The following PCDHA10 variants were observed in gnomAD, a reference collection of about 807,000 sequenced individuals.
PCDHA10 encodes the protein protocadherin alpha-10.
Under a neutral mutation model 61.2 loss-of-function variants are expected in PCDHA10, and 45 were observed. The observed-to-expected ratio is 0.74, with a 90% CI of 0.58 to 0.94. The LOEUF is 0.94. Ranked by LOEUF, PCDHA10 falls within the 40% of genes least tolerant of loss-of-function variation. The pLI is 0.00. For synonymous variants in PCDHA10, 602 were observed against 548.8 expected, an observed-to-expected ratio of 1.10 and a Z score of -1.35; for missense variants, 1,278 against 1,236.2, an observed-to-expected ratio of 1.03 and a Z score of -0.51.
intron 1 of PCDHA10, among the ~76,000 whole-genome samples, chr5:140,975,653 A>T (rs2096676885): frequency 6.6e-6 from 1 of 152,230 alleles, no homozygotes; most frequent in South Asian, 2.1e-4. Context: ...TATTTCATTG[A>T]GTAGTTGTGT....
chr5:140,885,371 C>T (rs2153409645), intron 1 of PCDHA10, among the ~76,000 whole-genome samples: 1 of 152,182 alleles, frequency 6.6e-6, no homozygotes, highest in East Asian at 1.9e-4. Flanking sequence ...CTGAAAGTAC[C>T]TTTTGGCAGT....
chr5:140,876,081 G>A (rs568872116), intron 1 of PCDHA10: 1 of 1,613,944 alleles, frequency 6.2e-7, no homozygotes, highest in African/African-American at 1.3e-5. Flanking sequence ...TGGACAGAGA[G>A]CAAACGCCAA....
chr5:140,977,266 A>G (rs2096753154), intron 1 of PCDHA10, among the ~76,000 whole-genome samples: 3 of 152,240 alleles, frequency 2.0e-5, no homozygotes, highest in Admixed American at 1.3e-4. Context: ...CAGATGTTAC[A>G]GTCTTTCTCA....
intron 1 of PCDHA10, chr5:140,860,323 G>C (rs782283348): frequency 2.6e-5 from 4 of 152,078 alleles, no homozygotes; most frequent in Non-Finnish European, 5.9e-5. Flanking sequence ...TGAGGCTGCA[G>C]TGACCCATGA....
intron 1 of PCDHA10, chr5:140,876,123 C>T (rs782271666): frequency 6.2e-7 from 1 of 1,613,906 alleles, no homozygotes; most frequent in East Asian, 2.2e-5. Flanking sequence ...TAATCGATGG[C>T]GGTAAACCAG....
chr5:140,971,035 C>T (rs1251023371), intron 1 of PCDHA10, among the ~76,000 whole-genome samples: 1 of 152,098 alleles, frequency 6.6e-6, no homozygotes, highest in African/African-American at 2.4e-5. Flanking sequence ...TTTGAAAGCA[C>T]GTAAAAGGGT....
chr5:140,884,371 C>T, intron 1 of PCDHA10: 2 of 1,613,948 alleles, frequency 1.2e-6, no homozygotes, highest in Non-Finnish European at 1.7e-6. Flanking sequence ...TTTACTTGAT[C>T]ATTGCCATCT....
chr5:140,876,815 T>G (rs782365798), intron 1 of PCDHA10: 1 of 1,614,148 alleles, frequency 6.2e-7, no homozygotes, highest in South Asian at 1.1e-5. Flanking sequence ...GTGGCCGACG[T>G]GAACGACAAT....
chr5:140,929,443 T>C, intron 1 of PCDHA10: 1 of 1,426,882 alleles, frequency 7.0e-7, no homozygotes, highest in Non-Finnish European at 9.3e-7. Flanking sequence ...AAACACTCCT[T>C]CTTAGCACTT....
intron 3 of PCDHA10, among the ~76,000 whole-genome samples, chr5:141,007,393 TAC>T (rs2098323171): frequency 8.5e-5 from 2 of 23,408 alleles, no homozygotes; most frequent in East Asian, 1.4e-3. Flanking sequence ...TCTACTAAAA[TAC>T]AAAAAAAAAA....
chr5:140,877,546 G>T, intron 1 of PCDHA10: 4 of 1,613,794 alleles, frequency 2.5e-6, no homozygotes, highest in Non-Finnish European at 3.4e-6. Flanking sequence ...TCCCGAAGCG[G>T]CTCTGGTGGA....
In PCDHA10 at chr5:140,857,943, C is replaced by T. The variant is rs782648009; in HGVS notation, c.1895C>T (p.Thr632Met). 3 of 1,597,460 alleles carry T rather than the reference C, an allele frequency of 1.9e-6. 1 individual carries two copies. The highest frequency in any genetic ancestry group is 2.6e-6 in the Non-Finnish European group (3 of 1,167,412). Reference sequence around the variant, plus strand: ...GGGCTGTACACGGGCGAGATCAGTACGACGCGCGCTCTGGATGAGACTGAC... The same window carrying T: ...GGGCTGTACACGGGCGAGATCAGTATGACGCGCGCTCTGGATGAGACTGAC... ...RVGLYTGEIS[T>M]TRALDETDSP... is the part of the protein sequence containing the mutation. The change falls in exon 1 of 4, where the codon ACG (threonine) becomes ATG (methionine). Residue 632 changes from threonine (T) to methionine (M), a missense_variant. By Grantham distance (81) the Thr-to-Met change is moderately conservative (BLOSUM62 -1). Coordinates refer to ENST00000307360, the MANE Select transcript of PCDHA10 (RefSeq NM_018901.4).
At chr5:140,968,355 G>A in intron 1 of PCDHA10, 1 of 1,614,080 alleles carries the variant, frequency 6.2e-7, no homozygotes, top group South Asian at 1.1e-5. Context: ...GCCAGTGGCA[G>A]CCTTTATGCT....
At position 140,858,134 on chromosome 5, in the gene PCDHA10, G is replaced by T. The variant is rs1277423393; in HGVS notation, c.2086G>T (p.Val696Leu). 5 of 1,597,762 alleles carry T rather than the reference G, an allele frequency of 3.1e-6. No homozygotes were observed. The highest frequency in any genetic ancestry group is 2.2e-5 in the East Asian group (1 of 44,818). ...APEVALVDVN[V>L]YLIIAICAVS... ...CGAGGTGGCCCTGGTGGATGTCAAC[G>T]TGTACCTGATCATCGCCATCTGCGC... The change falls in exon 1 of 4, where the codon GTG (valine) becomes TTG (leucine). Residue 696 changes from valine to leucine, a missense_variant. Coordinates refer to ENST00000307360, the MANE Select transcript of PCDHA10 (RefSeq NM_018901.4).
At chr5:140,926,863 G>T (rs2083606655) in intron 1 of PCDHA10, 6 of 1,523,054 alleles carry the variant, frequency 3.9e-6, no homozygotes, top group Non-Finnish European at 5.3e-6. Flanking sequence ...GGTGTAGCGT[G>T]TTGGTGGAAC....
intron 1 of PCDHA10, chr5:140,877,591 G>GT: frequency 6.2e-7 from 1 of 1,613,852 alleles, no homozygotes; most frequent in Non-Finnish European, 8.5e-7. Context: ...CATCTGTGCG[G>GT]TGTCCAGCCT....
intron 1 of PCDHA10, among the ~76,000 whole-genome samples, chr5:140,947,396 A>G (rs113635864): frequency 6.6e-6 from 1 of 151,710 alleles, no homozygotes; most frequent in Non-Finnish European, 1.5e-5. Flanking sequence ...CACTAAAAGT[A>G]GACTGTCTTG....
In PCDHA10 at chr5:140,857,482, G is replaced by A. The variant is rs782347083; in HGVS notation, c.1434G>A (p.Ala478=). The change falls in exon 1 of 4, where the codon GCG becomes GCA. Residue 478 remains alanine, a synonymous_variant. Transcript: ENST00000307360. ...PPGCHIFTVS[A]WDADAQENAL... ...GCTGCCACATCTTCACGGTGTCTGC[G>A]TGGGACGCGGACGCGCAGGAGAACG... 2.3e-5 allele frequency: 36 copies of A among 1,598,422 alleles called. 1 individual carries two copies. The highest frequency in any genetic ancestry group is 2.6e-5 in the Non-Finnish European group (30 of 1,167,890).
rs183711966 is a variant in PCDHA10 at position 140,861,816 on chromosome 5, C to G, written c.2388+3380C>G. 643 of 159,770 alleles carry G rather than the reference C, an allele frequency of 4.0e-3. 2 individuals carry two copies. The highest frequency in any genetic ancestry group is 5.6e-3 in the Non-Finnish European group (413 of 73,346). 9.9% of individuals were successfully genotyped at this position (159,770 alleles called of 1,614,324 possible). A position where few individuals can be genotyped will look rare whatever the true frequency, so the allele number is the denominator to read the frequency against. On this transcript the variant is annotated intron_variant, in intron 1 of 3. Coordinates refer to ENST00000307360, the MANE Select transcript of PCDHA10 (RefSeq NM_018901.4). ...TGAAGGTGTATTTTAAAAATTCTTT[C>G]AGATAGGTAAGTCACTTCAGAGCTA...
Sources: allele counts gnomAD v4.1 joint callset (sites outside exome capture counted in the v4.1 genomes callset), GRCh38; gene constraint gnomAD v4.1.1; transcripts MANE v1.5; gene names NCBI Gene and HGNC (gene_info 2026-07-23, HGNC 2026-07-21).